Variants in LTBP1 observed in about 807,000 individuals in gnomAD.
LTBP1 encodes the protein latent-transforming growth factor beta-binding protein 1.
In LTBP1, 129 loss-of-function variants were observed where a neutral mutation model predicts 207.6. That is an observed-to-expected ratio of 0.62 (90% CI 0.54 to 0.72). The LOEUF (loss-of-function observed/expected upper bound fraction) is 0.72. Among genes scored for constraint, LTBP1 ranks in the 30% least tolerant of loss-of-function variants. The pLI is 0.00. For synonymous variants in LTBP1, 963 were observed against 833.7 expected (o/e 1.16, Z -2.67); for missense variants, 2,281 against 2,217.2 (o/e 1.03, Z -0.58).
chr2:32,992,695 G>A (rs546394658), intron 2 of LTBP1, among the ~76,000 whole-genome samples: 1 of 152,300 alleles, frequency 6.6e-6, no homozygotes, highest in South Asian at 2.1e-4. Context: ...ACATGTAAGG[G>A]AAGAATCCAG....
At chr2:33,298,749 A>G (rs1189402185) in intron 20 of LTBP1, among the ~76,000 whole-genome samples, 2 of 152,242 alleles carry the variant, frequency 1.3e-5, no homozygotes, top group East Asian at 3.8e-4. Context: ...AAAGAGACCA[A>G]GAACACAATT....
intron 5 of LTBP1, among the ~76,000 whole-genome samples, chr2:33,176,166 TA>T (rs1168074108): frequency 1.3e-5 from 2 of 151,656 alleles, no homozygotes; most frequent in African/African-American, 4.9e-5. Context: ...AATAATAAAA[TA>T]AAAAAATAGA....
At position 33,074,854 on chromosome 2, in the gene LTBP1, A is replaced by T. The variant is rs554951022; in HGVS notation, c.864-35728A>T. ...CACTGCACTCCATCCTGGGCAACAG[A>T]GCGAGACTCCATCTCAAAAAAAAAA... On this transcript the variant is annotated intron_variant, in intron 3 of 33. Transcript: ENST00000404816. Among the ~76,000 whole-genome samples, 4 of 147,682 alleles carry T rather than the reference A, an allele frequency of 2.7e-5. No homozygotes were observed. The East Asian group carries it at 7.9e-4, about 29-fold the overall frequency.
chr2:33,235,488 AGT>A (rs566766752), intron 9 of LTBP1, among the ~76,000 whole-genome samples: 45 of 152,328 alleles, frequency 3.0e-4, no homozygotes, highest in African/African-American at 1.0e-3. Context: ...TGTGGAAGAC[AGT>A]GTGGTGATTC....
At chr2:33,304,928 G>A (rs2094060893) in intron 22 of LTBP1, among the ~76,000 whole-genome samples, 2 of 152,194 alleles carry the variant, frequency 1.3e-5, no homozygotes, top group East Asian at 1.9e-4. Flanking sequence ...TGTGGAGCTT[G>A]TGCCAGACAC....
intron 2 of LTBP1, among the ~76,000 whole-genome samples, chr2:32,988,837 C>T (rs1269418879): frequency 6.6e-6 from 1 of 152,146 alleles, no homozygotes; most frequent in African/African-American, 2.4e-5. Context: ...TGTAATTATC[C>T]ATATAGGATT....
intron 8 of LTBP1, among the ~76,000 whole-genome samples, chr2:33,220,740 T>C (rs1386315499): frequency 6.6e-6 from 1 of 152,212 alleles, no homozygotes; most frequent in South Asian, 2.1e-4. Context: ...TCTAGAGGTC[T>C]ATGGGACAAG....
chr2:33,182,065 C>A (rs1024865154), intron 5 of LTBP1, among the ~76,000 whole-genome samples: 1 of 152,080 alleles, frequency 6.6e-6, no homozygotes, highest in African/African-American at 2.4e-5. Context: ...AATGCTAGAA[C>A]TGGAGAATAG....
chr2:32,979,005 A>G (rs1682311925), intron 2 of LTBP1, among the ~76,000 whole-genome samples: 1 of 151,846 alleles, frequency 6.6e-6, no homozygotes, highest in African/African-American at 2.4e-5. Context: ...TGCTCATACT[A>G]GCCTCTAATC....
chr2:33,372,953 C>T lies in LTBP1; in HGVS notation c.4711+7450C>T, dbSNP rs192162524. Among the ~76,000 whole-genome samples, 80 of 152,232 alleles carry T rather than the reference C, an allele frequency of 5.3e-4. 2 individuals carry two copies. Among genetic ancestry groups the T allele is most frequent in the African/African-American group, 1.9e-3 (77 of 41,540 alleles). Reference sequence around the variant, plus strand: ...CCATTATCTCATGGAAATCAAAATCCGTTGATCTGCAAATGAAAGAAAATT... The same window carrying T: ...CCATTATCTCATGGAAATCAAAATCTGTTGATCTGCAAATGAAAGAAAATT... On this transcript the variant is annotated intron_variant, in intron 31 of 33. Transcript: ENST00000404816.
intron 6 of LTBP1, among the ~76,000 whole-genome samples, chr2:33,188,075 T>G (rs1366862053): frequency 1.3e-5 from 2 of 152,202 alleles, no homozygotes; most frequent in African/African-American, 4.8e-5. Flanking sequence ...ATTGCAAATT[T>G]TAAAAACATA....
chr2:33,345,377 C>T (rs187741722), intron 25 of LTBP1, among the ~76,000 whole-genome samples: 43 of 152,314 alleles, frequency 2.8e-4, no homozygotes, highest in Non-Finnish European at 8.8e-5. Flanking sequence ...ACATATAGGC[C>T]GTACAGGCCT....
At chr2:32,959,621 A>ATTT (rs397972038) in intron 2 of LTBP1, among the ~76,000 whole-genome samples, 103 of 36,672 alleles carry the variant, frequency 2.8e-3, no homozygotes, top group East Asian at 9.3e-3. Flanking sequence ...ATATATATAT[A>ATTT]TTTTTTTTTT....
intron 5 of LTBP1, among the ~76,000 whole-genome samples, chr2:33,166,337 T>C (rs1005068610): frequency 2.6e-5 from 4 of 152,214 alleles, no homozygotes; most frequent in African/African-American, 9.6e-5. Flanking sequence ...TAGGGAAAAG[T>C]TGCTGAAATT....
At chr2:33,160,223 T>G (rs559534726) in intron 5 of LTBP1, among the ~76,000 whole-genome samples, 1 of 152,148 alleles carries the variant, frequency 6.6e-6, no homozygotes, top group African/African-American at 2.4e-5. Flanking sequence ...AATTCAACTT[T>G]AAAAATAACG....
chr2:33,236,884 C>G (rs374922116), intron 9 of LTBP1, among the ~76,000 whole-genome samples: 5 of 152,182 alleles, frequency 3.3e-5, no homozygotes, highest in African/African-American at 1.2e-4. Flanking sequence ...TCTCTGGGCT[C>G]TGATAATTCC....
intron 31 of LTBP1, among the ~76,000 whole-genome samples, chr2:33,373,974 T>G (rs1364784077): frequency 2.0e-5 from 3 of 152,230 alleles, no homozygotes; most frequent in East Asian, 1.9e-4. Flanking sequence ...GTAAAGAATT[T>G]GGAATGTCTT....
chr2:33,243,528 T>C, intron 9 of LTBP1, 134 bp from the exon 10 acceptor site: 1 of 704,764 alleles, frequency 1.4e-6, no homozygotes, highest in Non-Finnish European at 2.3e-6. Flanking sequence ...TTAAGATTAT[T>C]CACACCTGCT....
At chr2:33,014,835 A>T (rs528324321) in intron 2 of LTBP1, among the ~76,000 whole-genome samples, 1 of 152,164 alleles carries the variant, frequency 6.6e-6, no homozygotes, top group African/African-American at 2.4e-5. Flanking sequence ...CTCAATTTTG[A>T]CTGTTTCAAA....
Sources: allele counts gnomAD v4.1 joint callset (sites outside exome capture counted in the v4.1 genomes callset), GRCh38; gene constraint gnomAD v4.1.1; transcripts MANE v1.5; gene names NCBI Gene and HGNC (gene_info 2026-07-23, HGNC 2026-07-21).